The following ATRNL1 variants were observed in gnomAD, a reference collection of about 807,000 sequenced individuals.
ATRNL1 encodes attractin like 1.
Under a neutral mutation model 182.7 loss-of-function variants are expected in ATRNL1, and 95 were observed. That is an observed-to-expected ratio of 0.52 (90% CI 0.44 to 0.62). The LOEUF is 0.62. Among genes scored for constraint, ATRNL1 ranks in the 20% least tolerant of loss-of-function variants. The pLI is 0.00. For synonymous variants in ATRNL1, 576 were observed against 568.3 expected (o/e 1.01, Z -0.19); for missense variants, 1,471 against 1,679.5 (o/e 0.88, Z 2.17).
At chr10:115,672,174 C>A (rs1945717271) in intron 26 of ATRNL1, among the ~76,000 whole-genome samples, 1 of 152,022 alleles carries the variant, frequency 6.6e-6, no homozygotes, top group Non-Finnish European at 1.5e-5. Context: ...AGGAAATATT[C>A]TAGATGTCTT....
Position 115,766,764 on chromosome 10 carries a change from C to A in ATRNL1, c.3903+39409C>A, listed in dbSNP as rs77713417. On this transcript the variant is annotated intron_variant, in intron 27 of 28. Transcript: ENST00000355044. ...TCGTTAAAATATCTGTTTTATAAAT[C>A]CTTTCTTATCTTCAGACTATTATGC... is the stretch of plus-strand genomic sequence containing the variant. Among the ~76,000 whole-genome samples the A allele has an allele frequency of 3.0e-3, 459 of 152,210 alleles. 3 individuals carry two copies. The highest frequency in any genetic ancestry group is 0.01 in the African/African-American group (432 of 41,548).
intron 27 of ATRNL1, among the ~76,000 whole-genome samples, chr10:115,744,147 C>CA (rs1948222837): frequency 6.6e-6 from 1 of 152,032 alleles, no homozygotes; most frequent in South Asian, 2.1e-4. Context: ...ATCATAACAT[C>CA]TATGTGTTTG....
At chr10:115,632,157 G>T (rs1395635575) in intron 26 of ATRNL1, among the ~76,000 whole-genome samples, 2 of 152,134 alleles carry the variant, frequency 1.3e-5, no homozygotes, top group African/African-American at 4.8e-5. Flanking sequence ...GAATTATATA[G>T]ATCCCAGCAG....
chr10:115,668,743 T>G (rs1449437087), intron 26 of ATRNL1, among the ~76,000 whole-genome samples: 1 of 152,146 alleles, frequency 6.6e-6, no homozygotes, highest in Non-Finnish European at 1.5e-5. Context: ...GCATTTAACT[T>G]TAACCTTTTT....
chr10:115,163,359 G>A (rs998819226), intron 6 of ATRNL1, among the ~76,000 whole-genome samples: 2 of 146,682 alleles, frequency 1.4e-5, no homozygotes, highest in Non-Finnish European at 3.0e-5. Flanking sequence ...TTATTTTCTT[G>A]TTTTATTTTA....
Position 115,426,063 on chromosome 10 carries a change from A to G in ATRNL1, c.3270-187A>G, listed in dbSNP as rs1845870562. On this transcript the variant is annotated intron_variant, in intron 20 of 28. Transcript: ENST00000355044. ...TTTCATCTCTCACTTTTTCTCATAT[A>G]TAAAGCTTTCTACAATTAATTCAAA... Among the ~76,000 whole-genome samples, 4 of 151,918 alleles carry G rather than the reference A, an allele frequency of 2.6e-5. No individual in the cohort carries two copies. The South Asian group carries it at 8.3e-4, about 31-fold the overall frequency.
At chr10:115,500,358 T>A (rs1452723270) in intron 24 of ATRNL1, among the ~76,000 whole-genome samples, 1 of 152,152 alleles carries the variant, frequency 6.6e-6, no homozygotes, top group Non-Finnish European at 1.5e-5. Context: ...AAAATTAGAA[T>A]TTGGTCCAAA....
Position 115,585,582 on chromosome 10 carries a change from T to C in ATRNL1, c.3795+36046T>C, listed in dbSNP as rs544967697. Among the ~76,000 whole-genome samples, 11 of 45,544 alleles carry C rather than the reference T, an allele frequency of 2.4e-4. 1 individual carries two copies. The East Asian group carries it at 4.3e-3, about 18-fold the overall frequency. The allele number at this position is 45,544 out of a possible 152,430, so 29.9% of individuals were successfully genotyped here. The stretch of plus-strand genomic sequence containing the variant: ...GACTAGGATTGCAACCCCTGTCTTT[T>C]TTTGTTTTCCATTTGCTTGGTAGAT... On this transcript the variant is annotated intron_variant, in intron 26 of 28. Transcript: ENST00000355044.
At chr10:115,172,207 C>T (rs557147992) in intron 8 of ATRNL1, among the ~76,000 whole-genome samples, 7 of 152,076 alleles carry the variant, frequency 4.6e-5, no homozygotes, top group African/African-American at 1.4e-4. Flanking sequence ...ATTCTCAGTA[C>T]AGCTGGGTCA....
At chr10:115,734,667 T>C (rs1947896577) in intron 27 of ATRNL1, among the ~76,000 whole-genome samples, 2 of 152,116 alleles carry the variant, frequency 1.3e-5, no homozygotes, top group African/African-American at 4.8e-5. Context: ...AATTACCTGC[T>C]ATAAATGTTT....
chr10:115,483,817 C>T (rs993285429), intron 24 of ATRNL1, among the ~76,000 whole-genome samples: 4 of 151,554 alleles, frequency 2.6e-5, no homozygotes, highest in Non-Finnish European at 5.9e-5. Flanking sequence ...ATAGAGTCTA[C>T]ATGAAATAAA....
chr10:115,873,323 G>A (rs558299144), intron 28 of ATRNL1, among the ~76,000 whole-genome samples: 184 of 152,168 alleles, frequency 1.2e-3, no homozygotes, highest in African/African-American at 4.2e-3. Flanking sequence ...GAGTCTCCTG[G>A]GAGTACTCTT....
At chr10:115,215,970 T>C in intron 9 of ATRNL1, 90 bp downstream of exon 9, 1 of 948,794 alleles carries the variant, frequency 1.1e-6, no homozygotes, top group Non-Finnish European at 1.5e-6. Context: ...AAATACTTAC[T>C]TTATATGCAT....
chr10:115,898,779 C>T (rs936884364), intron 28 of ATRNL1, among the ~76,000 whole-genome samples: 2 of 152,144 alleles, frequency 1.3e-5, no homozygotes, highest in Non-Finnish European at 2.9e-5. Flanking sequence ...GTCACCAAAA[C>T]TGTTGGGTTC....
intron 27 of ATRNL1, 150 bp downstream of exon 27, chr10:115,727,505 A>T (rs781929965): frequency 1.7e-5 from 11 of 641,976 alleles, no homozygotes; most frequent in Non-Finnish European, 3.0e-5. Flanking sequence ...TTTTCAAGGC[A>T]CATAGTTTTA....
Position 115,194,986 on chromosome 10 carries a change from C to T in ATRNL1, c.1349-20711C>T, listed in dbSNP as rs139999652. On this transcript the variant is annotated intron_variant, in intron 8 of 28. Coordinates refer to ENST00000355044, the MANE Select transcript of ATRNL1 (RefSeq NM_207303.4). Reference sequence around the variant, plus strand: ...ACAAAACAAATAAGCAAATAAAAAACTAAAAAAGCTCTATACATTCTTTTT... The same window carrying T: ...ACAAAACAAATAAGCAAATAAAAAATTAAAAAAGCTCTATACATTCTTTTT... Among the ~76,000 whole-genome samples, 538 of 151,872 alleles carry T rather than the reference C, an allele frequency of 3.5e-3. 2 individuals are homozygous for T. Among genetic ancestry groups the T allele is most frequent in the African/African-American group, 0.013 (519 of 41,482 alleles).
intron 21 of ATRNL1, among the ~76,000 whole-genome samples, chr10:115,429,122 G>T (rs965157141): frequency 2.1e-4 from 32 of 151,980 alleles, no homozygotes; most frequent in African/African-American, 7.5e-4. Context: ...ATGTGTTGAT[G>T]CCTTGAAAAT....
intron 27 of ATRNL1, among the ~76,000 whole-genome samples, chr10:115,841,985 C>A (rs1950819964): frequency 7.7e-6 from 1 of 129,454 alleles, no homozygotes; most frequent in African/African-American, 2.6e-5. Context: ...TATTAAGCTG[C>A]AAATACCACA....
chr10:115,223,685 A>AAG (rs1485566630), intron 9 of ATRNL1, among the ~76,000 whole-genome samples: 2 of 151,808 alleles, frequency 1.3e-5, no homozygotes, highest in Non-Finnish European at 2.9e-5. Context: ...ATGGTTTCCA[A>AAG]GAACAAAGGA....
Sources: allele counts gnomAD v4.1 joint callset (sites outside exome capture counted in the v4.1 genomes callset), GRCh38; gene constraint gnomAD v4.1.1; transcripts MANE v1.5; gene names NCBI Gene and HGNC (gene_info 2026-07-23, HGNC 2026-07-21).